HSPA9: variants seen among roughly 807,000 people sequenced by gnomAD.
HSPA9 encodes heat shock protein family A (Hsp70) member 9.
Under a neutral mutation model 81.5 loss-of-function variants are expected in HSPA9, and 28 were observed. The observed-to-expected ratio is 0.34, with a 90% confidence interval of 0.25 to 0.47. HSPA9 has a LOEUF of 0.47. Among genes scored for constraint, HSPA9 ranks in the 20% least tolerant of loss-of-function variants. HSPA9 has a pLI of 1.00. For missense variants in HSPA9, 678 were observed against 838.0 expected (o/e 0.81, Z 2.36); for synonymous variants, 293 against 290.4 (o/e 1.01, Z -0.09).
intron 9 of HSPA9, 36 bp downstream of exon 9, chr5:138,566,590 T>C (rs199871704): frequency 1.1e-5 from 15 of 1,334,226 alleles, no homozygotes; most frequent in Middle Eastern, 1.8e-4. Context: ...CGGCTGAAAA[T>C]ATCCATCAAG....
chr5:138,566,357 A>G (rs760269527), intron 9 of HSPA9, among the ~76,000 whole-genome samples: 1 of 152,192 alleles, frequency 6.6e-6, no homozygotes, highest in Non-Finnish European at 1.5e-5. Context: ...TGAAAGGCAA[A>G]CAAGTACACC....
chr5:138,562,340 G>C (rs1421252870), intron 9 of HSPA9, among the ~76,000 whole-genome samples: 2 of 149,300 alleles, frequency 1.3e-5, no homozygotes, highest in African/African-American at 4.9e-5. Context: ...ACGAGGTCAG[G>C]AGATCGAGAC....
At position 138,557,926 on chromosome 5, in the gene HSPA9, C is replaced by T; in HGVS notation, c.1576G>A (p.Ala526Thr). Reference protein sequence around the residue: ...PQIEVTFDIDANGIVHVSAKD... With the variant: ...PQIEVTFDIDTNGIVHVSAKD... ...GCAGAAACATGTACTATCCCATTGG[C>T]ATCAATGTCAAATGTAACTTCAATC... Residue 526 changes from alanine (A) to threonine (T), a missense_variant, in exon 13 of 17, where the codon GCC becomes ACC. Around this residue, in one of 4 missense-constraint regions of HSPA9, gnomAD observed 484 missense variants for 647.5 expected, o/e 0.75. Coordinates refer to ENST00000297185, the MANE Select transcript of HSPA9 (RefSeq NM_004134.7). The T allele has an allele frequency of 1.2e-6, 2 of 1,611,904 alleles. No homozygotes were observed. Among genetic ancestry groups the T allele is most frequent in the Non-Finnish European group, 1.7e-6 (2 of 1,179,592 alleles).
chr5:138,556,631 C>T (rs768082547), intron 15 of HSPA9, 39 bp from the exon 16 acceptor site: 3 of 1,609,022 alleles, frequency 1.9e-6, no homozygotes, highest in Non-Finnish European at 2.6e-6. Flanking sequence ...TTTTCCAGGT[C>T]TCCTGTACCA....
intron 9 of HSPA9, among the ~76,000 whole-genome samples, chr5:138,564,315 G>A (rs1298510623): frequency 6.6e-6 from 1 of 152,196 alleles, no homozygotes; most frequent in East Asian, 1.9e-4. Context: ...TGTTGGCGAG[G>A]CTGGTCTGGA....
At chr5:138,570,767 G>A (rs966754514) in intron 4 of HSPA9, 193 bp downstream of exon 4, 8 of 580,676 alleles carry the variant, frequency 1.4e-5, no homozygotes, top group Non-Finnish European at 2.5e-5. Context: ...TTACAGGTGT[G>A]AGCCACTGCA....
Position 138,557,915 on chromosome 5 carries a change from T to A in HSPA9, c.1587A>T (p.Ile529=), listed in dbSNP as rs1380575225. Residue 529 remains isoleucine, a synonymous_variant, in exon 13 of 17, where the codon ATA becomes ATT. Transcript: ENST00000297185. ...CTTTATCTTTAGCAGAAACATGTAC[T>A]ATCCCATTGGCATCAATGTCAAATG... ...EVTFDIDANG[I]VHVSAKDKGT... 19 of 1,611,480 alleles carry A rather than the reference T, an allele frequency of 1.2e-5. No individual in the cohort carries two copies. Among genetic ancestry groups the A allele is most frequent in the Admixed American group, 3.3e-5 (2 of 59,988 alleles).
intron 2 of HSPA9, 31 bp downstream of exon 2, chr5:138,574,037 T>A (rs1231157145): frequency 6.4e-7 from 1 of 1,555,114 alleles, no homozygotes; most frequent in Non-Finnish European, 8.9e-7. Context: ...TAATATGTAT[T>A]CCCTCTCAAA....
chr5:138,556,114 T>C lies in HSPA9; in HGVS notation c.1963A>G (p.Met655Val). The C allele has an allele frequency of 6.2e-7, 1 of 1,612,920 alleles. No homozygotes were observed. Among genetic ancestry groups the C allele is most frequent in the South Asian group, 1.1e-5 (1 of 91,062 alleles). Residue 655 changes from methionine to valine, a missense_variant and splice_region_variant, in exon 17 of 17, where the codon ATG becomes GTG. Transcript: ENST00000297185. ...LKLFEMAYKKMASEREGSGSS... is the reference protein window; with the variant it reads ...LKLFEMAYKKVASEREGSGSS... The stretch of plus-strand genomic sequence containing the variant: ...CCAGAGCCTTCTCGCTCAGATGCCA[T>C]CTGTTAAGAAAACATTTGAGAGCCA...
intron 9 of HSPA9, among the ~76,000 whole-genome samples, chr5:138,564,448 G>A (rs1750720917): frequency 1.3e-5 from 2 of 152,120 alleles, no homozygotes; most frequent in Admixed American, 1.3e-4. Context: ...CACCCAGGTT[G>A]GGGTGCAGTG....
chr5:138,569,005 G>C lies in HSPA9; in HGVS notation c.455C>G (p.Ala152Gly), dbSNP rs779975720. The C allele has an allele frequency of 9.9e-6, 16 of 1,613,730 alleles. No homozygotes were observed. The highest frequency in any genetic ancestry group is 1.3e-5 in the Non-Finnish European group (15 of 1,179,738). ...CAATTTCCCATGAGCCTCAACCCAG[G>C]CATCACCATTGGAGGCACGGACAAT... is the stretch of plus-strand genomic sequence containing the variant. ...FKIVRASNGD[A>G]WVEAHGKLYS... The change falls in exon 5 of 17, where the codon GCC becomes GGC. Residue 152 changes from alanine (A) to glycine (G), a missense_variant. Ala to Gly is a moderately conservative substitution (Grantham distance 60). Transcript: ENST00000297185.
chr5:138,566,830 T>C (rs542454300), intron 8 of HSPA9, 112 bp from the exon 9 acceptor site: 175 of 1,103,708 alleles, frequency 1.6e-4, no homozygotes, highest in Non-Finnish European at 2.3e-4. Context: ...TATATAAGCA[T>C]GAATTACTTT....
At chr5:138,573,943 T>C in intron 2 of HSPA9, 93 bp from the exon 3 acceptor site, 1 of 1,234,032 alleles carries the variant, frequency 8.1e-7, no homozygotes, top group Non-Finnish European at 1.2e-6. Context: ...TTAACAGTGG[T>C]ATACTACATA....
chr5:138,558,155 G>A (rs1400884322), intron 12 of HSPA9, among the ~76,000 whole-genome samples, 169 bp from the exon 13 acceptor site: 4 of 152,172 alleles, frequency 2.6e-5, no homozygotes, highest in Admixed American at 2.0e-4. Context: ...TTCGCTGCCT[G>A]AAATCAACTG....
At position 138,556,549 on chromosome 5, in the gene HSPA9, A is replaced by C. The variant is rs749478409; in HGVS notation, c.1865T>G (p.Leu622Arg). ...TCCTGTTTCGCTGTCTTTTCTAGCC[A>C]GGAGCTCCCTCATTTTGGAAATCTC... The part of the protein sequence containing the change: ...KEEISKMREL[L>R]ARKDSETGEN... Residue 622 changes from leucine to arginine, a missense_variant, in exon 16 of 17, where the codon CTG becomes CGG. Physicochemically the swap from Leu to Arg is moderately radical, Grantham distance 102. Transcript: ENST00000297185. The C allele has an allele frequency of 6.2e-7, 1 of 1,614,052 alleles. No individual in the cohort carries two copies. The highest frequency in any genetic ancestry group is 8.5e-7 in the Non-Finnish European group (1 of 1,179,930).
chr5:138,572,381 G>C (rs747471580), intron 3 of HSPA9, among the ~76,000 whole-genome samples: 1 of 152,128 alleles, frequency 6.6e-6, no homozygotes, highest in Non-Finnish European at 1.5e-5. Flanking sequence ...TATTAAGAGG[G>C]GTGGGAATGG....
intron 9 of HSPA9, among the ~76,000 whole-genome samples, chr5:138,564,350 G>T (rs256017): frequency 0.52 from 78,367 of 152,140 alleles, 22,329 homozygotes; most frequent in East Asian, 0.8. Flanking sequence ...GTGATTCACC[G>T]GCCTTGGCCT....
chr5:138,559,177 C>T, intron 11 of HSPA9: 1 of 190,174 alleles, frequency 5.3e-6, no homozygotes, highest in Non-Finnish European at 1.1e-5. Flanking sequence ...ATGACCTCAG[C>T]TCATTGCAAC....
Position 138,566,577 on chromosome 5 carries a change from C to T in HSPA9, c.972+49G>A, listed in dbSNP as rs777139126. 8.2e-6 allele frequency: 10 copies of T among 1,225,176 alleles called. No homozygotes were observed. The African/African-American group carries it at 1.5e-4, about 18-fold the overall frequency. 75.9% of individuals were successfully genotyped at this position (1,225,176 alleles called of 1,614,324 possible). On this transcript the variant is annotated intron_variant, in intron 9 of 16. Coordinates refer to ENST00000297185, the MANE Select transcript of HSPA9 (RefSeq NM_004134.7). ...GAAAATACTATTTATTTTAAATAAG[C>T]TCCGGCTGAAAATATCCATCAAGAC...
Sources: gnomAD v4.1 joint callset for allele counts (sites outside exome capture counted in the v4.1 genomes callset) on GRCh38, gnomAD v4.1.1 for gene constraint, gnomAD v4.1.1 regional missense constraint, MANE v1.5 for transcripts, NCBI Gene and HGNC (gene_info 2026-07-23, HGNC 2026-07-21) for gene names.